FBN2: variants seen among roughly 807,000 people sequenced by gnomAD.
FBN2 encodes the protein fibrillin-2.
Under a neutral mutation model 355.6 loss-of-function variants are expected in FBN2, and 105 were observed. That is an observed-to-expected ratio of 0.30 (90% CI 0.25 to 0.35). FBN2 has a LOEUF of 0.35. Among genes scored for constraint, FBN2 ranks in the 10% least tolerant of loss-of-function variants. FBN2 has a pLI of 1.00. For synonymous variants in FBN2, 1,350 were observed against 1,301.2 expected, an observed-to-expected ratio of 1.04 and a Z score of -0.81; for missense variants, 3,280 against 3,758.7, an observed-to-expected ratio of 0.87 and a Z score of 3.33.
chr5:128,345,909 C>T (rs1355697107), intron 23 of FBN2, among the ~76,000 whole-genome samples: 7 of 152,154 alleles, frequency 4.6e-5, no homozygotes, highest in African/African-American at 1.7e-4. Flanking sequence ...GATAATTCTT[C>T]CTGTTCAGAG....
chr5:128,292,493 C>T (rs764571545), intron 48 of FBN2, among the ~76,000 whole-genome samples: 13 of 152,148 alleles, frequency 8.5e-5, no homozygotes, highest in African/African-American at 1.2e-4. Flanking sequence ...GCTCCTAGCA[C>T]GGTATCTGGC....
At chr5:128,379,858 CAT>C (rs2126961350) in intron 11 of FBN2, among the ~76,000 whole-genome samples, 1 of 152,230 alleles carries the variant, frequency 6.6e-6, no homozygotes, top group South Asian at 2.1e-4. Context: ...AAGCCATTAA[CAT>C]ATACCATTTC....
chr5:128,447,091 C>T (rs922078767), intron 6 of FBN2, among the ~76,000 whole-genome samples: 1 of 152,092 alleles, frequency 6.6e-6, no homozygotes, highest in African/African-American at 2.4e-5. Flanking sequence ...TCTCTTAATC[C>T]TGTCATCTTC....
intron 16 of FBN2, among the ~76,000 whole-genome samples, chr5:128,367,152 A>C (rs1751793895): frequency 6.6e-6 from 1 of 152,212 alleles, no homozygotes; most frequent in Non-Finnish European, 1.5e-5. Flanking sequence ...TCACTAGGAT[A>C]GTCTCTTACA....
Position 128,305,057 on chromosome 5 carries a change from A to G in FBN2, c.5700T>C (p.Pro1900=), listed in dbSNP as rs1021860424. 3.1e-6 allele frequency: 5 copies of G among 1,612,812 alleles called. No homozygotes were observed. In the Admixed American group the frequency reaches 5.0e-5, roughly 16 times the overall value. The change falls in exon 45 of 65, where the codon CCT becomes CCC. Residue 1900 remains proline, a synonymous_variant. Coordinates refer to ENST00000262464, the MANE Select transcript of FBN2 (RefSeq NM_001999.4). ...CACACAAGCCATGACTGCAAACGTTAGGAATTTCTAAACATTCATTGCGAT... is the reference window on the plus strand; with the variant it reads ...CACACAAGCCATGACTGCAAACGTTGGGAATTTCTAAACATTCATTGCGAT... The part of the protein sequence containing the change: ...CVDRNECLEI[P]NVCSHGLCVD...
At chr5:128,460,215 GACAA>G (rs1437739154) in intron 6 of FBN2, among the ~76,000 whole-genome samples, 14 of 152,142 alleles carry the variant, frequency 9.2e-5, no homozygotes, top group East Asian at 5.8e-4. Flanking sequence ...ATCAATAATA[GACAA>G]ACAGAGAGTC....
chr5:128,352,123 C>T (rs762109027), intron 20 of FBN2, among the ~76,000 whole-genome samples: 8 of 152,134 alleles, frequency 5.3e-5, no homozygotes, highest in East Asian at 1.9e-4. Context: ...CCCTATAAAA[C>T]GAAGAAGGAA....
intron 58 of FBN2, 69 bp downstream of exon 58, chr5:128,277,811 T>C (rs1254524009): frequency 1.3e-6 from 2 of 1,506,466 alleles, no homozygotes; most frequent in African/African-American, 2.8e-5. Flanking sequence ...CTACTGATAA[T>C]GAGTGACTTG....
chr5:128,487,504 T>A (rs1755370202), intron 5 of FBN2, among the ~76,000 whole-genome samples: 1 of 152,204 alleles, frequency 6.6e-6, no homozygotes, highest in Admixed American at 6.5e-5. Flanking sequence ...CTCTCTGTTT[T>A]CTTTGGGCAC....
chr5:128,528,858 G>C (rs1475347958), intron 3 of FBN2, among the ~76,000 whole-genome samples: 1 of 152,232 alleles, frequency 6.6e-6, no homozygotes, highest in Non-Finnish European at 1.5e-5. Context: ...GAGAGTCTGG[G>C]AGAAGGATGA....
At chr5:128,261,680 A>T in intron 64 of FBN2, 56 bp downstream of exon 64, 1 of 1,537,650 alleles carries the variant, frequency 6.5e-7, no homozygotes, top group Middle Eastern at 1.7e-4. Flanking sequence ...ACTGCACTGT[A>T]TACATGACTC....
At chr5:128,333,088 A>G in intron 31 of FBN2, 54 bp from the exon 32 acceptor site, 2 of 1,479,194 alleles carry the variant, frequency 1.4e-6, no homozygotes, top group African/African-American at 1.4e-5. Flanking sequence ...AATTAATTCT[A>G]CTTCCAAGTA....
chr5:128,522,385 C>A (rs140351566), intron 4 of FBN2, among the ~76,000 whole-genome samples: 1 of 152,316 alleles, frequency 6.6e-6, no homozygotes, highest in Non-Finnish European at 1.5e-5. Context: ...CTGTCCCCAG[C>A]ACCCACTCAC....
At chr5:128,442,524 G>A (rs779818707) in intron 7 of FBN2, among the ~76,000 whole-genome samples, 3 of 152,074 alleles carry the variant, frequency 2.0e-5, no homozygotes, top group Admixed American at 6.5e-5. Context: ...AACAGAGGAA[G>A]TTAACTGAAA....
At chr5:128,387,319 C>A (rs1006021879) in intron 11 of FBN2, among the ~76,000 whole-genome samples, 2 of 151,998 alleles carry the variant, frequency 1.3e-5, no homozygotes, top group African/African-American at 4.8e-5. Flanking sequence ...TCTCCTTTAT[C>A]ATTTCAGTTT....
chr5:128,517,187 A>G (rs1164733416), intron 5 of FBN2, among the ~76,000 whole-genome samples: 2 of 152,236 alleles, frequency 1.3e-5, no homozygotes, highest in Non-Finnish European at 2.9e-5. Context: ...TTGAAGAATA[A>G]TGACGTAATT....
chr5:128,421,796 AG>A (rs2127017193), intron 7 of FBN2, among the ~76,000 whole-genome samples: 1 of 152,356 alleles, frequency 6.6e-6, no homozygotes, highest in African/African-American at 2.4e-5. Flanking sequence ...GAAAGTCAAT[AG>A]CAGGAGGCAG....
intron 58 of FBN2, among the ~76,000 whole-genome samples, chr5:128,276,842 T>C (rs1207645580): frequency 6.6e-6 from 1 of 152,186 alleles, no homozygotes; most frequent in Non-Finnish European, 1.5e-5. Flanking sequence ...CCAGGGGTAG[T>C]ACAGCCCCAG....
chr5:128,401,781 A>G (rs894819905), intron 8 of FBN2, among the ~76,000 whole-genome samples: 10 of 152,178 alleles, frequency 6.6e-5, no homozygotes, highest in African/African-American at 2.4e-4. Flanking sequence ...TTCCGTCTCA[A>G]AGAAAAAATA....
Sources: allele counts gnomAD v4.1 joint callset (sites outside exome capture counted in the v4.1 genomes callset), GRCh38; gene constraint gnomAD v4.1.1; transcripts MANE v1.5; gene names NCBI Gene and HGNC (gene_info 2026-07-23, HGNC 2026-07-21).